The following SLC5A11 variants were observed in gnomAD, a reference collection of about 807,000 sequenced individuals.
SLC5A11 encodes the protein solute carrier family 5 member 11.
Under a neutral mutation model 69.8 loss-of-function variants are expected in SLC5A11, and 48 were observed. The ratio of observed to expected loss-of-function variants is 0.69; its 90% confidence interval spans 0.55 to 0.87. SLC5A11 has a LOEUF of 0.87. SLC5A11 is among the 40% of genes least tolerant of loss of function. The pLI is 0.00. For missense variants in SLC5A11, 784 were observed against 866.1 expected (o/e 0.91, Z 1.19); for synonymous variants, 319 against 342.4 (o/e 0.93, Z 0.75).
chr16:24,900,076 G>T (rs2049471336), intron 10 of SLC5A11, among the ~76,000 whole-genome samples: 1 of 152,250 alleles, frequency 6.6e-6, no homozygotes, highest in East Asian at 1.9e-4. Context: ...TTTTCTTAAT[G>T]TGGTAAGGGA....
chr16:24,862,554 T>C, intron 2 of SLC5A11, 47 bp from the exon 4 acceptor site: 1 of 1,556,050 alleles, frequency 6.4e-7, no homozygotes, highest in Non-Finnish European at 8.8e-7. Context: ...GAGATGCCTC[T>C]GATTGCTAAC....
chr16:24,897,046 G>A (rs1022272153), intron 9 of SLC5A11, among the ~76,000 whole-genome samples: 10 of 142,546 alleles, frequency 7.0e-5, no homozygotes, highest in Middle Eastern at 3.9e-3. Flanking sequence ...TCCACCTCCC[G>A]GGTTCAAGTG....
intron 2 of SLC5A11, 97 bp from the exon 4 acceptor site, chr16:24,862,504 G>T (rs12923193): frequency 1.2e-6 from 1 of 814,332 alleles, no homozygotes; most frequent in Admixed American, 2.1e-5. Flanking sequence ...TGGCCCTCAG[G>T]ACTCCCAGTT....
chr16:24,896,645 G>A (rs1386445930), intron 9 of SLC5A11, among the ~76,000 whole-genome samples: 2 of 152,070 alleles, frequency 1.3e-5, no homozygotes, highest in Non-Finnish European at 2.9e-5. Context: ...GTCAAAACTG[G>A]GCTGGTACTA....
At chr16:24,905,632 G>A (rs989522247) in intron 10 of SLC5A11, among the ~76,000 whole-genome samples, 2 of 74,388 alleles carry the variant, frequency 2.7e-5, no homozygotes, top group East Asian at 2.4e-4. Flanking sequence ...AAAAACACGC[G>A]CGCGCGCGCA....
chr16:24,885,569 G>A (rs909315379), intron 8 of SLC5A11, among the ~76,000 whole-genome samples: 22 of 148,698 alleles, frequency 1.5e-4, no homozygotes, highest in Non-Finnish European at 3.1e-4. Context: ...GATGGCTTGA[G>A]CCTGGCAGGT....
intron 8 of SLC5A11, among the ~76,000 whole-genome samples, chr16:24,888,470 A>G (rs983269404): frequency 6.9e-6 from 1 of 144,016 alleles, no homozygotes. Flanking sequence ...TTACTCCAGT[A>G]TCTATTTCTT....
chr16:24,862,051 T>C (rs919732745), intron 2 of SLC5A11: 1 of 152,280 alleles, frequency 6.6e-6, no homozygotes, highest in African/African-American at 2.4e-5. Context: ...TGCCTTGATA[T>C]TGAACTTCCA....
intron 13 of SLC5A11, 114 bp downstream of exon 14, chr16:24,908,245 A>G (rs1006147637): frequency 7.1e-5 from 86 of 1,218,384 alleles, no homozygotes; most frequent in Non-Finnish European, 9.0e-5. Flanking sequence ...GGGTGTTGAG[A>G]GGGAGGGTGA....
chr16:24,911,537 G>T, exon 16 of SLC5A11: 1 of 1,614,030 alleles, frequency 6.2e-7, no homozygotes, highest in Non-Finnish European at 8.5e-7. Context: ...TGCTTAGTGT[G>T]GGGTGAACCC....
In SLC5A11 at chr16:24,899,713, T is replaced by A. The variant is rs755548390; in HGVS notation, c.1006+1604T>A. Among the ~76,000 whole-genome samples, 155 of 151,468 alleles carry A rather than the reference T, an allele frequency of 1.0e-3. 3 individuals are homozygous for A. The highest frequency in any genetic ancestry group is 2.1e-4 in the Non-Finnish European group (14 of 67,926). On this transcript the variant is annotated intron_variant, in intron 10 of 15. Transcript: ENST00000347898. ...CACCACAGCTGGCCTGCGGTACTTT[T>A]TCTTTTTTTTAGGTGGGTCTCACTC... is the stretch of plus-strand genomic sequence containing the variant.
At chr16:24,861,807 G>GA (rs1038185188) in intron 2 of SLC5A11, among the ~76,000 whole-genome samples, 1 of 112,448 alleles carries the variant, frequency 8.9e-6, no homozygotes, top group Non-Finnish European at 1.8e-5. Context: ...AGAAAGAAAA[G>GA]AAAAAAGAAA....
exon 14 of SLC5A11, chr16:24,909,046 A>C (rs1168387708): frequency 5.0e-6 from 8 of 1,613,990 alleles, no homozygotes; most frequent in Non-Finnish European, 6.8e-6. Context: ...GGTCACCCTC[A>C]TCACTGTCTC....
chr16:24,891,938 C>T (rs541317385), intron 9 of SLC5A11, among the ~76,000 whole-genome samples: 2 of 147,990 alleles, frequency 1.4e-5, no homozygotes, highest in East Asian at 2.0e-4. Context: ...TGTGGGAGTG[C>T]AATTTAAAAT....
intron 1 of SLC5A11, among the ~76,000 whole-genome samples, chr16:24,852,721 T>C (rs1388058690): frequency 1.3e-5 from 2 of 152,224 alleles, no homozygotes; most frequent in South Asian, 4.1e-4. Flanking sequence ...CGGGGCCAAG[T>C]CTACGCTTCT....
rs773687264 is a variant in SLC5A11 at position 24,908,182 on chromosome 16, GA to G, written c.1434+52del. On this transcript the variant is annotated intron_variant, in intron 13 of 15. Coordinates refer to ENST00000347898, the Ensembl canonical transcript of SLC5A11. ...CCAGAACCAAGTGCTGCCCCTTGAG[GA>G]CTGGGATAGGATGGGAGGGGAGGGT... The G allele has an allele frequency of 3.4e-5, 51 of 1,518,996 alleles. No homozygotes were observed. The Admixed American group carries it at 8.4e-4, about 25-fold the overall frequency. 94.1% of individuals were successfully genotyped at this position (1,518,996 alleles called of 1,614,324 possible).
In SLC5A11 at chr16:24,898,124, G is replaced by T; in HGVS notation, c.1006+15G>T. 1 of 1,612,602 alleles carries T rather than the reference G, an allele frequency of 6.2e-7. No individual in the cohort carries two copies. The highest frequency in any genetic ancestry group is 8.5e-7 in the Non-Finnish European group (1 of 1,179,672). On this transcript the variant is annotated intron_variant, in intron 10 of 15. Transcript: ENST00000347898. Reference sequence around the variant, plus strand: ...CCTCTTCCCAGGTGAGAACACAGCTGGGGGAAGAGGTCATTGGTATGTGAG... The same window carrying T: ...CCTCTTCCCAGGTGAGAACACAGCTTGGGGAAGAGGTCATTGGTATGTGAG...
At chr16:24,899,752 G>A (rs1166242325) in intron 10 of SLC5A11, among the ~76,000 whole-genome samples, 6 of 151,916 alleles carry the variant, frequency 3.9e-5, no homozygotes, top group Non-Finnish European at 8.8e-5. Context: ...CACCCAGGCT[G>A]GAGTGCAGTG....
chr16:24,894,439 C>T (rs2049011952), intron 9 of SLC5A11, among the ~76,000 whole-genome samples: 1 of 152,208 alleles, frequency 6.6e-6, no homozygotes, highest in South Asian at 2.1e-4. Context: ...CCCCTCCTCC[C>T]CACATATTCA....
Sources: gnomAD v4.1 joint callset for allele counts (sites outside exome capture counted in the v4.1 genomes callset) on GRCh38, gnomAD v4.1.1 for gene constraint, MANE v1.5 for transcripts, NCBI Gene and HGNC (gene_info 2026-07-23, HGNC 2026-07-21) for gene names.